ARHGAP39: variants seen among roughly 807,000 people sequenced by gnomAD.
ARHGAP39 encodes the protein Rho GTPase activating protein 39, also known as rho GTPase-activating protein 39.
Under a neutral mutation model 106.9 loss-of-function variants are expected in ARHGAP39, and 44 were observed. The observed-to-expected ratio is 0.41, with a 90% confidence interval of 0.32 to 0.53. ARHGAP39 has a LOEUF of 0.53. ARHGAP39 is among the 20% of genes least tolerant of loss of function. ARHGAP39 has a pLI of 0.21. For missense variants in ARHGAP39, 1,496 were observed against 1,577.3 expected (o/e 0.95, Z 0.87); for synonymous variants, 768 against 693.2 (o/e 1.11, Z -1.69).
At chr8:144,662,429 C>T (rs1442256946) in intron 1 of ARHGAP39, among the ~76,000 whole-genome samples, 1 of 150,818 alleles carries the variant, frequency 6.6e-6, no homozygotes, top group Non-Finnish European at 1.5e-5. Flanking sequence ...CCATCATCCA[C>T]CTTGGGCCGC....
intron 3 of ARHGAP39, among the ~76,000 whole-genome samples, chr8:144,573,298 C>T (rs1818649132): frequency 6.6e-6 from 1 of 152,182 alleles, no homozygotes; most frequent in Non-Finnish European, 1.5e-5. Context: ...GAGTTCATGT[C>T]CTTTGCAGGG....
intron 3 of ARHGAP39, among the ~76,000 whole-genome samples, chr8:144,567,499 T>TC (rs1316049891): frequency 6.6e-6 from 1 of 152,084 alleles, no homozygotes; most frequent in Admixed American, 6.5e-5. Flanking sequence ...AGTCTCCCTT[T>TC]CCCGGGGGGA....
chr8:144,605,757 G>T, intron 1 of ARHGAP39, 62 bp from the exon 2 acceptor site: 1 of 784,002 alleles, frequency 1.3e-6, no homozygotes, highest in South Asian at 1.6e-5. Flanking sequence ...CAATCACCCG[G>T]CCCAGCCCAC....
In ARHGAP39 at chr8:144,586,864, G is replaced by A. The variant is rs557812988; in HGVS notation, c.81-5587C>T. Among the ~76,000 whole-genome samples, 23 of 152,338 alleles carry A rather than the reference G, an allele frequency of 1.5e-4. No homozygotes were observed. The highest frequency in any genetic ancestry group is 1.2e-3 in the Admixed American group (19 of 15,304). On this transcript the variant is annotated intron_variant, in intron 2 of 11. Transcript: ENST00000377307. The surrounding 1 kb of genome is among the most constrained non-coding windows in gnomAD (Gnocchi z 4.2). ...GCTGCACGCCCATCTCATACACCAG[G>A]ATGGGCAATGATATGGTTTGGCTGT...
At chr8:144,564,422 G>A (rs1818316182) in intron 3 of ARHGAP39, among the ~76,000 whole-genome samples, 1 of 152,100 alleles carries the variant, frequency 6.6e-6, no homozygotes, top group Non-Finnish European at 1.5e-5. Context: ...GGAAGTTCTT[G>A]CTCCTCAGAA....
At chr8:144,698,384 C>A in the ARHGAP39 span, among the ~76,000 whole-genome samples, 1 of 152,208 alleles carries the variant, frequency 6.6e-6, no homozygotes, top group African/African-American at 2.4e-5. Flanking sequence ...CTTTATATTA[C>A]CCAGTCTCAG....
chr8:144,554,209 C>T (rs892776830), intron 4 of ARHGAP39, among the ~76,000 whole-genome samples: 14 of 152,236 alleles, frequency 9.2e-5, no homozygotes, highest in South Asian at 6.2e-4. Context: ...TGTGTCAGCT[C>T]GTGGGGCCAG....
rs1316897756 is a variant in ARHGAP39, at chr8:144,644,327, G to T, written c.-81-38632C>A. On this transcript the variant is annotated intron_variant, in intron 1 of 11. Transcript: ENST00000377307. The surrounding 1 kb of genome is among the most constrained non-coding windows in gnomAD (Gnocchi z 4.8). ...GCAGGCAACAAAGTCAGACACAAAA[G>T]ATGACATATTGTAGGATTCCATGTC... is the stretch of plus-strand genomic sequence containing the variant. Among the ~76,000 whole-genome samples, 1 of 152,130 alleles carries T rather than the reference G, an allele frequency of 6.6e-6. No homozygotes were observed.
intron 3 of ARHGAP39, among the ~76,000 whole-genome samples, chr8:144,556,302 A>G (rs1214250768): frequency 9.9e-5 from 15 of 151,908 alleles, no homozygotes; most frequent in East Asian, 5.8e-4. Context: ...AAAAAAAAAA[A>G]AAAGAAATAC....
chr8:144,665,233 C>CT (rs2129701940), intron 1 of ARHGAP39, among the ~76,000 whole-genome samples: 1 of 152,300 alleles, frequency 6.6e-6, no homozygotes, highest in South Asian at 2.1e-4. Context: ...GAAGAAATCT[C>CT]TAAGCAGCAA....
At chr8:144,650,004 A>T (rs1372757494) in intron 1 of ARHGAP39, among the ~76,000 whole-genome samples, 1 of 151,770 alleles carries the variant, frequency 6.6e-6, no homozygotes, top group Non-Finnish European at 1.5e-5. Flanking sequence ...CCAGCCGGGC[A>T]TGGTGGTGCA....
At chr8:144,602,086 G>A (rs1044232761) in intron 2 of ARHGAP39, among the ~76,000 whole-genome samples, 1 of 124,906 alleles carries the variant, frequency 8.0e-6, no homozygotes, top group Non-Finnish European at 1.6e-5. Context: ...CCTGTGTGTG[G>A]AGGCGTGTGT....
chr8:144,557,239 G>A (rs1817964925), intron 3 of ARHGAP39, among the ~76,000 whole-genome samples: 1 of 148,536 alleles, frequency 6.7e-6, no homozygotes, highest in African/African-American at 2.6e-5. Flanking sequence ...AGTATTCAGA[G>A]GCAAAGGCTG....
intron 1 of ARHGAP39, among the ~76,000 whole-genome samples, chr8:144,662,183 TCAC>T (rs1821840276): frequency 6.9e-6 from 1 of 144,764 alleles, no homozygotes; most frequent in African/African-American, 2.6e-5. Context: ...CCACCTTGGA[TCAC>T]TCCACCCTCC....
chr8:144,550,896 G>C (rs140001676), intron 4 of ARHGAP39, among the ~76,000 whole-genome samples: 1,587 of 152,358 alleles, frequency 0.01, 32 homozygotes, highest in African/African-American at 0.036. Flanking sequence ...TTGAACTCCA[G>C]TCTGTTGCTC....
intron 3 of ARHGAP39, 54 bp downstream of exon 3, chr8:144,580,792 C>T (rs1172253201): frequency 1.4e-5 from 19 of 1,343,212 alleles, no homozygotes; most frequent in Admixed American, 2.7e-5. Context: ...CCTCACCTGG[C>T]CCCGCCCACT....
intron 1 of ARHGAP39, among the ~76,000 whole-genome samples, chr8:144,661,561 A>C (rs1390853144): frequency 6.6e-6 from 1 of 151,870 alleles, no homozygotes; most frequent in Non-Finnish European, 1.5e-5. Flanking sequence ...CCCAATCCTC[A>C]CACCAGCCCA....
chr8:144,567,502 C>CG (rs570038639), intron 3 of ARHGAP39, among the ~76,000 whole-genome samples: 15 of 152,182 alleles, frequency 9.9e-5, no homozygotes, highest in Admixed American at 3.9e-4. Flanking sequence ...CTCCCTTTCC[C>CG]GGGGGGAGTT....
At chr8:144,574,425 C>G (rs1016079651) in intron 3 of ARHGAP39, among the ~76,000 whole-genome samples, 3 of 151,996 alleles carry the variant, frequency 2.0e-5, no homozygotes, top group Admixed American at 6.5e-5. Context: ...AATCCCAGCA[C>G]TTTGGGAGGC....
Sources: gnomAD v4.1 joint callset for allele counts (sites outside exome capture counted in the v4.1 genomes callset) on GRCh38, gnomAD v4.1.1 for gene constraint, Gnocchi (gnomAD v3.1) non-coding constraint, MANE v1.5 for transcripts, NCBI Gene and HGNC (gene_info 2026-07-23, HGNC 2026-07-21) for gene names.